Variants in NEDD4L observed in about 807,000 individuals in gnomAD.
NEDD4L encodes NEDD4 like E3 ubiquitin protein ligase, also known as E3 ubiquitin-protein ligase NEDD4-like.
A neutral mutation model predicts 148.9 loss-of-function variants in NEDD4L; 54 were observed. The observed-to-expected ratio is 0.36, with a 90% confidence interval of 0.29 to 0.45. The LOEUF is 0.45. Among genes scored for constraint, NEDD4L ranks in the 20% least tolerant of loss-of-function variants. The probability of loss-of-function intolerance (pLI) is 1.00; values close to 1 mark genes in which losing one functional copy is unlikely to be tolerated. For synonymous variants in NEDD4L, 433 were observed against 440.7 expected (o/e 0.98, Z 0.22); for missense variants, 856 against 1,233.8 (o/e 0.69, Z 4.59).
intron 5 of NEDD4L, among the ~76,000 whole-genome samples, chr18:58,301,667 T>A (rs1014339583): frequency 6.6e-6 from 1 of 152,134 alleles, no homozygotes; most frequent in Non-Finnish European, 1.5e-5. Context: ...TCTGCCAGGG[T>A]CCCTGTGATT....
chr18:58,116,017 C>T (rs568239202), intron 1 of NEDD4L, among the ~76,000 whole-genome samples: 8 of 152,264 alleles, frequency 5.3e-5, no homozygotes, highest in Middle Eastern at 6.8e-3. Context: ...TGACCAAACC[C>T]GGTACAGCCA....
At chr18:58,063,059 TTTTTG>T (rs1337221547) in intron 1 of NEDD4L, among the ~76,000 whole-genome samples, 2 of 74,560 alleles carry the variant, frequency 2.7e-5, no homozygotes, top group African/African-American at 4.5e-5. Context: ...TTTTTTTTTT[TTTTTG>T]AGACAGTATC....
chr18:58,087,360 C>T (rs1020304370), intron 1 of NEDD4L, among the ~76,000 whole-genome samples: 4 of 152,228 alleles, frequency 2.6e-5, no homozygotes, highest in African/African-American at 7.2e-5. Context: ...AAAGGCCCTC[C>T]AGGTTCTAGC....
At position 58,080,422 on chromosome 18, in the gene NEDD4L, A is replaced by G. The variant is rs77141577; in HGVS notation, c.48+35714A>G. On this transcript the variant is annotated intron_variant, in intron 1 of 30. Coordinates refer to ENST00000400345, the MANE Select transcript of NEDD4L (RefSeq NM_001144967.3). ...TGAAGCTTGTGGGTTTGATATGGGC[A>G]GTAAAGTGGGATTATTTCTGTTAGA... Among the ~76,000 whole-genome samples the G allele has an allele frequency of 1.7e-3, 266 of 152,366 alleles. 1 individual carries two copies. Among genetic ancestry groups the G allele is most frequent in the African/African-American group, 6.2e-3 (258 of 41,584 alleles).
chr18:58,299,576 C>G (rs1372659595), intron 5 of NEDD4L, among the ~76,000 whole-genome samples: 2 of 152,122 alleles, frequency 1.3e-5, no homozygotes, highest in Non-Finnish European at 2.9e-5. Flanking sequence ...TTGAAATGCC[C>G]TAAGTTATCT....
chr18:58,349,670 T>C (rs2043618293), intron 17 of NEDD4L, 56 bp downstream of exon 17: 1 of 1,355,698 alleles, frequency 7.4e-7, no homozygotes, highest in Non-Finnish European at 1.1e-6. Flanking sequence ...CTTTATCCGC[T>C]CAATGTTGAT....
chr18:58,187,583 C>T (rs1568352123), intron 2 of NEDD4L, among the ~76,000 whole-genome samples: 1 of 152,070 alleles, frequency 6.6e-6, no homozygotes, highest in African/African-American at 2.4e-5. Flanking sequence ...GAAAATAGGA[C>T]TTTTTTTGTT....
At chr18:58,052,957 C>G (rs2081943004) in intron 1 of NEDD4L, among the ~76,000 whole-genome samples, 1 of 152,070 alleles carries the variant, frequency 6.6e-6, no homozygotes, top group Non-Finnish European at 1.5e-5. Context: ...CAGAGTGAGA[C>G]TTTGTCTCAA....
intron 19 of NEDD4L, 140 bp downstream of exon 19, chr18:58,357,392 A>T (rs999183037): frequency 1.2e-6 from 1 of 819,810 alleles, no homozygotes; most frequent in East Asian, 2.4e-5. Flanking sequence ...CTTTGCTGCC[A>T]TCTCCTTACT....
At chr18:58,324,049 G>A (rs771829757) in intron 8 of NEDD4L, among the ~76,000 whole-genome samples, 1 of 152,150 alleles carries the variant, frequency 6.6e-6, no homozygotes, top group Non-Finnish European at 1.5e-5. Context: ...GAAGTTACCC[G>A]AACACTCCTC....
At chr18:58,057,746 C>T (rs2082153336) in intron 1 of NEDD4L, among the ~76,000 whole-genome samples, 1 of 152,166 alleles carries the variant, frequency 6.6e-6, no homozygotes, top group Non-Finnish European at 1.5e-5. Flanking sequence ...TAGATGAGGT[C>T]TGTGGTTCTG....
chr18:58,143,987 G>T (rs1030113739), intron 1 of NEDD4L, among the ~76,000 whole-genome samples: 1 of 152,060 alleles, frequency 6.6e-6, no homozygotes, highest in Admixed American at 6.6e-5. Context: ...ACAGCAGGTG[G>T]TTCAGTTAGT....
intron 1 of NEDD4L, among the ~76,000 whole-genome samples, chr18:58,049,306 G>A (rs567854447): frequency 6.6e-5 from 10 of 152,334 alleles, no homozygotes; most frequent in African/African-American, 1.4e-4. Context: ...CTGGATGGCC[G>A]TCTGTAAGTG....
chr18:58,304,792 A>G (rs2056885286), intron 5 of NEDD4L, among the ~76,000 whole-genome samples: 1 of 152,222 alleles, frequency 6.6e-6, no homozygotes, highest in Non-Finnish European at 1.5e-5. Context: ...CAACCACTTG[A>G]AAGAGGGGAT....
intron 4 of NEDD4L, among the ~76,000 whole-genome samples, chr18:58,250,471 G>T (rs2047788834): frequency 6.6e-6 from 1 of 152,114 alleles, no homozygotes; most frequent in African/African-American, 2.4e-5. Flanking sequence ...TCTTTATTGA[G>T]TGCCTATTAT....
chr18:58,268,108 C>G (rs938512466), intron 5 of NEDD4L, among the ~76,000 whole-genome samples: 1 of 151,998 alleles, frequency 6.6e-6, no homozygotes, highest in African/African-American at 2.4e-5. Context: ...ATTGATTACC[C>G]CAACCCCCCA....
intron 1 of NEDD4L, among the ~76,000 whole-genome samples, chr18:58,098,802 C>A (rs116393938): frequency 0.014 from 2,103 of 152,266 alleles, 43 homozygotes; most frequent in African/African-American, 0.048. Context: ...TCACAGTCAT[C>A]ACTCTGTACT....
intron 1 of NEDD4L, among the ~76,000 whole-genome samples, chr18:58,051,320 A>G (rs2081859878): frequency 1.3e-5 from 2 of 152,226 alleles, no homozygotes; most frequent in Admixed American, 1.3e-4. Context: ...ATTAAAAGTC[A>G]TTGAGTTTTG....
chr18:58,225,426 T>A (rs1163131581), intron 2 of NEDD4L, among the ~76,000 whole-genome samples: 1 of 152,238 alleles, frequency 6.6e-6, no homozygotes, highest in Non-Finnish European at 1.5e-5. Context: ...CCCCAGCCGC[T>A]TCATCTGCCT....
Sources: gnomAD v4.1 joint callset for allele counts (sites outside exome capture counted in the v4.1 genomes callset) on GRCh38, gnomAD v4.1.1 for gene constraint, MANE v1.5 for transcripts, NCBI Gene and HGNC (gene_info 2026-07-23, HGNC 2026-07-21) for gene names.